PCDHGA10: variants seen among roughly 807,000 people sequenced by gnomAD.
The protein encoded by PCDHGA10 is protocadherin gamma-A10.
PCDHGA10 carries 42 observed loss-of-function variants against 59.5 expected under a neutral mutation model. The observed-to-expected ratio is 0.71, with a 90% confidence interval of 0.55 to 0.91. The LOEUF (loss-of-function observed/expected upper bound fraction) is 0.91, where lower values mean the gene tolerates loss of function less well. Ranked by LOEUF, PCDHGA10 falls within the 40% of genes least tolerant of loss-of-function variation. The probability of loss-of-function intolerance (pLI) is 0.00; values close to 1 mark genes in which losing one functional copy is unlikely to be tolerated. For synonymous variants in PCDHGA10, 511 were observed against 517.2 expected (o/e 0.99, Z 0.16); for missense variants, 1,111 against 1,198.2 (o/e 0.93, Z 1.07).
chr5:141,505,089 G>A (rs1562219081), intron 2 of PCDHGA10, among the ~76,000 whole-genome samples: 1 of 152,208 alleles, frequency 6.6e-6, no homozygotes, highest in Non-Finnish European at 1.5e-5. Context: ...TTGAACCCAG[G>A]AGGTGGATGT....
intron 1 of PCDHGA10, among the ~76,000 whole-genome samples, chr5:141,466,554 G>A (rs2099125028): frequency 6.6e-6 from 1 of 152,068 alleles, no homozygotes. Flanking sequence ...TTTGCTGTGG[G>A]CTTCATCTTC....
chr5:141,492,384 C>G (rs1001189412), intron 1 of PCDHGA10, among the ~76,000 whole-genome samples: 1 of 152,230 alleles, frequency 6.6e-6, no homozygotes, highest in Non-Finnish European at 1.5e-5. Context: ...AGGCCTGTTC[C>G]GGTCCACTCG....
intron 1 of PCDHGA10, chr5:141,475,917 C>T (rs1012431912): frequency 1.7e-6 from 1 of 599,962 alleles, no homozygotes. Context: ...AATGAAGACG[C>T]TGGAGATCGG....
rs140199351 is a variant in PCDHGA10, at chr5:141,465,921, G to C, written c.2437-28886G>C. Among the ~76,000 whole-genome samples, 1,515 of 152,146 alleles carry C rather than the reference G, an allele frequency of 1.0e-2. 24 individuals carry two copies. The highest frequency in any genetic ancestry group is 0.034 in the African/African-American group (1,400 of 41,520). On this transcript the variant is annotated intron_variant, in intron 1 of 3. Transcript: ENST00000398610. ...GCAAATCACGAGGTCAGGATTTCGA[G>C]TCCATCCTGGCTAACATGGTGAAAC...
At chr5:141,417,915 C>T in intron 1 of PCDHGA10, 1 of 1,603,354 alleles carries the variant, frequency 6.2e-7, no homozygotes. Flanking sequence ...GTACTATTTC[C>T]TTTGCTGCTG....
At chr5:141,419,585 G>C (rs2096403161) in intron 1 of PCDHGA10, 8 of 1,611,776 alleles carry the variant, frequency 5.0e-6, no homozygotes, top group Non-Finnish European at 6.8e-6. Flanking sequence ...CGCGCTCTTC[G>C]ACACAGTGCC....
chr5:141,428,310 G>A (rs2097132610), intron 1 of PCDHGA10: 1 of 671,630 alleles, frequency 1.5e-6, no homozygotes, highest in Admixed American at 2.2e-5. Context: ...ACCTGGTCGT[G>A]GCCTTGGCCT....
intron 2 of PCDHGA10, among the ~76,000 whole-genome samples, chr5:141,499,780 G>A (rs776654854): frequency 1.4e-5 from 2 of 145,766 alleles, no homozygotes; most frequent in Non-Finnish European, 3.0e-5. Flanking sequence ...TTCGCCTCCC[G>A]GGTTCAAGCA....
intron 1 of PCDHGA10, among the ~76,000 whole-genome samples, chr5:141,482,072 C>G (rs1010432509): frequency 1.5e-5 from 2 of 133,436 alleles, no homozygotes; most frequent in African/African-American, 5.9e-5. Flanking sequence ...GCAACAAGAA[C>G]AAAACTCACT....
chr5:141,414,007 A>G lies in PCDHGA10; in HGVS notation c.832A>G (p.Asn278Asp), dbSNP rs1047239460. Residue 278 changes from asparagine (N) to aspartate (D), a missense_variant, in exon 1 of 4, where the codon AAT (asparagine) becomes GAT (aspartate). Coordinates refer to ENST00000398610, the MANE Select transcript of PCDHGA10 (RefSeq NM_018913.3). ...AGCCACCGACAGGGACGAAGGTGCC[A>G]ATGGAGAAGTGACATATTCATTCCG... ...VTATDRDEGA[N>D]GEVTYSFRKL... The G allele has an allele frequency of 1.2e-6, 2 of 1,613,292 alleles. No individual in the cohort carries two copies. Among genetic ancestry groups the G allele is most frequent in the Non-Finnish European group, 1.7e-6 (2 of 1,179,726 alleles).
intron 1 of PCDHGA10, among the ~76,000 whole-genome samples, chr5:141,459,386 T>C (rs1283863283): frequency 6.6e-6 from 1 of 152,260 alleles, no homozygotes; most frequent in African/African-American, 2.4e-5. Context: ...GTGTTCCATT[T>C]GATTGTTGAG....
At chr5:141,499,557 C>G (rs972965979) in intron 2 of PCDHGA10, among the ~76,000 whole-genome samples, 1 of 152,192 alleles carries the variant, frequency 6.6e-6, no homozygotes, top group African/African-American at 2.4e-5. Context: ...TATGATACCA[C>G]TATCCAGCTT....
intron 2 of PCDHGA10, among the ~76,000 whole-genome samples, chr5:141,495,690 G>A (rs1261694815): frequency 1.3e-5 from 2 of 152,172 alleles, no homozygotes; most frequent in East Asian, 3.9e-4. Context: ...TGGCATAAGT[G>A]CTCAATAAAT....
chr5:141,472,865 A>G (rs1329594490), intron 1 of PCDHGA10, among the ~76,000 whole-genome samples: 3 of 149,558 alleles, frequency 2.0e-5, no homozygotes, highest in Non-Finnish European at 4.5e-5. Flanking sequence ...ACATGCCTGT[A>G]TTCCCAGCTA....
chr5:141,487,803 A>G lies in PCDHGA10; in HGVS notation c.2437-7004A>G. On this transcript the variant is annotated intron_variant, in intron 1 of 3. Transcript: ENST00000398610. The surrounding 1 kb of genome is among the most constrained non-coding windows in gnomAD (Gnocchi z 5.0). ...TTCGTGAATTAACCAGAGTTGTCAC[A>G]GTTTAGCATTGGGGGCGGGTCATGC... 2.0e-6 allele frequency: 3 copies of G among 1,466,166 alleles called. No individual in the cohort carries two copies. The highest frequency in any genetic ancestry group is 2.8e-6 in the Non-Finnish European group (3 of 1,084,448). The allele number at this position is 1,466,166 out of a possible 1,614,324, so 90.8% of individuals were successfully genotyped here. A position where few individuals can be genotyped will look rare whatever the true frequency, so the allele number is the denominator to read the frequency against.
intron 1 of PCDHGA10, among the ~76,000 whole-genome samples, chr5:141,484,092 G>A (rs1594371151): frequency 6.6e-6 from 1 of 152,102 alleles, no homozygotes; most frequent in African/African-American, 2.4e-5. Flanking sequence ...AATGGTCTTC[G>A]TTGGTAATTA....
chr5:141,416,817 C>T (rs1197915095), intron 1 of PCDHGA10: 1 of 151,958 alleles, frequency 6.6e-6, no homozygotes, highest in Non-Finnish European at 1.5e-5. Flanking sequence ...AAAAAGCATT[C>T]CGAAGTTTCT....
At chr5:141,475,819 G>A (rs1232669115) in intron 1 of PCDHGA10, 4 of 350,114 alleles carry the variant, frequency 1.1e-5, no homozygotes, top group Non-Finnish European at 1.6e-5. Context: ...GAAGTTCCTG[G>A]CGCTAGCGCG....
chr5:141,500,189 TTTA>T (rs780229863), intron 2 of PCDHGA10, among the ~76,000 whole-genome samples: 5,656 of 110,928 alleles, frequency 0.051, 122 homozygotes, highest in Middle Eastern at 0.14. Context: ...TTTATTTTTA[TTTA>T]TTTATTTATT....
Sources: allele counts gnomAD v4.1 joint callset (sites outside exome capture counted in the v4.1 genomes callset), GRCh38; gene constraint gnomAD v4.1.1; non-coding constraint Gnocchi (gnomAD v3.1); transcripts MANE v1.5; gene names NCBI Gene and HGNC (gene_info 2026-07-23, HGNC 2026-07-21).